C8orf34: variants seen among roughly 807,000 people sequenced by gnomAD.
The protein encoded by C8orf34 is chromosome 8 open reading frame 34.
Under a neutral mutation model 68.3 loss-of-function variants are expected in C8orf34, and 65 were observed. The ratio of observed to expected loss-of-function variants is 0.95; its 90% CI spans 0.78 to 1.17. The LOEUF is 1.17. Ranked by LOEUF, C8orf34 falls within the 50% of genes most tolerant of loss-of-function variation. C8orf34 has a pLI of 0.00. For missense variants in C8orf34, 664 were observed against 655.4 expected, an observed-to-expected ratio of 1.01 and a Z score of -0.14; for synonymous variants, 244 against 241.2, an observed-to-expected ratio of 1.01 and a Z score of -0.11.
intron 11 of C8orf34, among the ~76,000 whole-genome samples, chr8:68,784,485 G>A (rs1823784776): frequency 6.6e-6 from 1 of 152,074 alleles, no homozygotes; most frequent in Admixed American, 6.5e-5. Context: ...TGAACTATTT[G>A]AAAGAAGGTC....
chr8:68,668,951 T>C (rs895109464), intron 8 of C8orf34, among the ~76,000 whole-genome samples: 2 of 152,118 alleles, frequency 1.3e-5, no homozygotes, highest in African/African-American at 2.4e-5. Context: ...AGTCTCCAGA[T>C]AAGACCCCAG....
At chr8:68,676,051 C>A (rs185376096) in intron 8 of C8orf34, among the ~76,000 whole-genome samples, 3 of 152,036 alleles carry the variant, frequency 2.0e-5, no homozygotes, top group Non-Finnish European at 4.4e-5. Flanking sequence ...TAAATATGCA[C>A]GCACCTGGCA....
chr8:68,414,046 T>G (rs535269738), intron 1 of C8orf34, among the ~76,000 whole-genome samples: 1 of 152,312 alleles, frequency 6.6e-6, no homozygotes, highest in East Asian at 1.9e-4. Flanking sequence ...CATGGACTAT[T>G]CTCTCTGTCT....
At chr8:68,390,169 G>A (rs1808422348) in intron 1 of C8orf34, among the ~76,000 whole-genome samples, 1 of 152,070 alleles carries the variant, frequency 6.6e-6, no homozygotes, top group Admixed American at 6.5e-5. Context: ...GATGCAGTGG[G>A]CATACACTTA....
Position 68,764,446 on chromosome 8 carries a change from T to G in C8orf34, c.1405-11953T>G, listed in dbSNP as rs1216414932. On this transcript the variant is annotated intron_variant, in intron 10 of 13. Coordinates refer to ENST00000518698, the MANE Select transcript of C8orf34 (RefSeq NM_052958.4). ...GGAGAGAGCACTTCTACCAGTGCAG[T>G]CAGTGGGCAGGTTTTCTAATAGTGG... is the stretch of plus-strand genomic sequence containing the variant. 1.2e-4 allele frequency among the ~76,000 whole-genome samples: 18 copies of G among 152,242 alleles called. No individual in the cohort carries two copies. In the East Asian group the frequency reaches 3.5e-3, roughly 29 times the overall value.
At chr8:68,459,902 CG>C (rs1811721825) in intron 3 of C8orf34, among the ~76,000 whole-genome samples, 1 of 152,092 alleles carries the variant, frequency 6.6e-6, no homozygotes, top group Admixed American at 6.6e-5. Context: ...TCAGAGGTAC[CG>C]GGTTCACCTC....
intron 2 of C8orf34, among the ~76,000 whole-genome samples, chr8:68,444,486 A>G (rs1223438770): frequency 3.3e-5 from 5 of 152,010 alleles, no homozygotes; most frequent in Non-Finnish European, 7.4e-5. Flanking sequence ...TTAAAATAAT[A>G]TTTTCTCTTT....
chr8:68,442,418 A>G (rs1205648067), intron 2 of C8orf34, among the ~76,000 whole-genome samples: 1 of 152,060 alleles, frequency 6.6e-6, no homozygotes, highest in East Asian at 1.9e-4. Flanking sequence ...AGGAAGAGAG[A>G]AAACAGTTTG....
chr8:68,366,473 C>T lies in C8orf34; in HGVS notation c.327+35134C>T, dbSNP rs1460103068. On this transcript the variant is annotated intron_variant, in intron 1 of 13. Transcript: ENST00000518698. ...TAAGCCAAAAGAACAAAGCTGGAGG[C>T]ATCACACTACCTGACTTCAAACTTT... Among the ~76,000 whole-genome samples, 8 of 145,230 alleles carry T rather than the reference C, an allele frequency of 5.5e-5. 1 individual carries two copies. The highest frequency in any genetic ancestry group is 1.6e-4 in the African/African-American group (6 of 38,440).
Position 68,556,536 on chromosome 8 carries a change from G to A in C8orf34, c.1105+23387G>A, listed in dbSNP as rs948552661. ...GCTTGTTTTGAAGACTGTATGTAGC[G>A]CACAAGTCAGGAGGCATAGCCTGAC... On this transcript the variant is annotated intron_variant, in intron 7 of 13. Coordinates refer to ENST00000518698, the MANE Select transcript of C8orf34 (RefSeq NM_052958.4). Among the ~76,000 whole-genome samples, 46 of 152,066 alleles carry A rather than the reference G, an allele frequency of 3.0e-4. 1 individual carries two copies. The highest frequency in any genetic ancestry group is 9.6e-4 in the African/African-American group (40 of 41,474).
At chr8:68,783,523 C>CAAAAA (rs775189886) in intron 11 of C8orf34, among the ~76,000 whole-genome samples, 2 of 53,742 alleles carry the variant, frequency 3.7e-5, no homozygotes, top group African/African-American at 1.4e-4. Context: ...GACTTCATCT[C>CAAAAA]AAAAAAAAAA....
At chr8:68,395,518 T>C (rs538178834) in intron 1 of C8orf34, among the ~76,000 whole-genome samples, 98 of 152,136 alleles carry the variant, frequency 6.4e-4, no homozygotes, top group Non-Finnish European at 1.2e-3. Context: ...TCAAAGGACA[T>C]GTTCTGTTTT....
intron 1 of C8orf34, among the ~76,000 whole-genome samples, chr8:68,393,623 A>G (rs1426863863): frequency 6.6e-6 from 1 of 152,166 alleles, no homozygotes; most frequent in Non-Finnish European, 1.5e-5. Context: ...CTTTAGAAGA[A>G]GATTTACTAA....
intron 3 of C8orf34, among the ~76,000 whole-genome samples, chr8:68,466,157 T>C (rs1237016530): frequency 6.6e-6 from 1 of 151,832 alleles, no homozygotes; most frequent in African/African-American, 2.4e-5. Context: ...CTCAGTTATA[T>C]GTGGGAGCCA....
At chr8:68,338,382 C>A (rs572259096) in intron 1 of C8orf34, among the ~76,000 whole-genome samples, 1 of 152,250 alleles carries the variant, frequency 6.6e-6, no homozygotes, top group Admixed American at 6.5e-5. Context: ...TGGAAATTAC[C>A]TTAAAATGCA....
chr8:68,416,890 C>T (rs944632324), intron 1 of C8orf34, among the ~76,000 whole-genome samples: 3 of 152,038 alleles, frequency 2.0e-5, no homozygotes, highest in Non-Finnish European at 4.4e-5. Context: ...ACATAAACTT[C>T]TAAAACAATT....
chr8:68,623,063 A>G (rs924487445), intron 7 of C8orf34, among the ~76,000 whole-genome samples: 22 of 152,198 alleles, frequency 1.4e-4, no homozygotes, highest in African/African-American at 4.6e-4. Context: ...TTGGAAGAAC[A>G]TTGCCTTTGT....
At chr8:68,540,447 G>A (rs1586346653) in intron 7 of C8orf34, among the ~76,000 whole-genome samples, 1 of 151,798 alleles carries the variant, frequency 6.6e-6, no homozygotes, top group Admixed American at 6.6e-5. Context: ...TGTCAAAAGA[G>A]GATTTGTTGG....
chr8:68,574,163 T>C (rs1305825242), intron 7 of C8orf34, among the ~76,000 whole-genome samples: 1 of 152,144 alleles, frequency 6.6e-6, no homozygotes, highest in Non-Finnish European at 1.5e-5. Flanking sequence ...AATTTTTTAA[T>C]AATATTAGCT....
Sources: allele counts gnomAD v4.1 joint callset (sites outside exome capture counted in the v4.1 genomes callset), GRCh38; gene constraint gnomAD v4.1.1; transcripts MANE v1.5; gene names NCBI Gene and HGNC (gene_info 2026-07-23, HGNC 2026-07-21).